The following SORBS2 variants were observed in gnomAD, a reference collection of about 807,000 sequenced individuals.
SORBS2 encodes sorbin and SH3 domain-containing protein 2.
Under a neutral mutation model 97.7 loss-of-function variants are expected in SORBS2, and 46 were observed. The observed-to-expected ratio is 0.47, with a 90% CI of 0.37 to 0.60. The LOEUF (loss-of-function observed/expected upper bound fraction) is 0.60, where lower values mean the gene tolerates loss of function less well. Ranked by LOEUF, SORBS2 falls within the 20% of genes least tolerant of loss-of-function variation. The probability of loss-of-function intolerance (pLI) is 0.00; values close to 1 mark genes in which losing one functional copy is unlikely to be tolerated. For synonymous variants in SORBS2, 476 were observed against 473.4 expected (o/e 1.01, Z -0.07); for missense variants, 1,316 against 1,282.3 (o/e 1.03, Z -0.40).
rs575094488 is a variant in SORBS2, at chr4:185,757,954, T to G, written c.-198+17273A>C. ...ACAATCTGGTGAGCCACTGATGGAA[T>G]TGAGTGTAAGAAATGGAAACTGCTA... is the stretch of plus-strand genomic sequence containing the variant. On this transcript the variant is annotated intron_variant, in intron 2 of 20. Transcript: ENST00000284776. 2.0e-5 allele frequency among the ~76,000 whole-genome samples: 3 copies of G among 152,316 alleles called. No individual in the cohort carries two copies. In the East Asian group the frequency reaches 5.8e-4, roughly 29 times the overall value.
chr4:185,925,530 G>A (rs2099263176), intron 1 of SORBS2, among the ~76,000 whole-genome samples: 1 of 152,092 alleles, frequency 6.6e-6, no homozygotes, highest in African/African-American at 2.4e-5. Flanking sequence ...CATTCTTAGT[G>A]TCATAGTCGC....
intron 2 of SORBS2, among the ~76,000 whole-genome samples, chr4:185,682,565 A>G (rs2097887013): frequency 1.3e-5 from 2 of 152,222 alleles, no homozygotes; most frequent in Admixed American, 6.5e-5. Context: ...AGGCTGTTGT[A>G]TTTTAACAAT....
chr4:185,623,727 G>A lies in SORBS2; in HGVS notation c.1402C>T (p.Pro468Ser), dbSNP rs767319986. Residue 468 changes from proline (P) to serine (S), a missense_variant, in exon 7 of 15, where the codon CCC becomes TCC. Coordinates refer to ENST00000418609, the Ensembl canonical transcript of SORBS2. The surrounding 1 kb of genome is among the most constrained non-coding windows in gnomAD (Gnocchi z 6.4). ...TGGCAGCCTCGCCGGCCCCGAGCGG[G>A]GGGGCCGCTTTGATTTTCTTCCTCC... is the stretch of plus-strand genomic sequence containing the variant. The A allele has an allele frequency of 1.4e-5, 22 of 1,613,912 alleles. No homozygotes were observed. Among genetic ancestry groups the A allele is most frequent in the Non-Finnish European group, 1.8e-5 (21 of 1,180,038 alleles).
At chr4:185,780,278 G>A (rs2099021861) in intron 1 of SORBS2, among the ~76,000 whole-genome samples, 1 of 152,086 alleles carries the variant, frequency 6.6e-6, no homozygotes, top group Admixed American at 6.5e-5. Flanking sequence ...GCCTCCCAAA[G>A]TGCTGGGATT....
rs747662216 is a variant in SORBS2, at chr4:185,873,261, A to G, written c.-338+82935T>C. Reference sequence around the variant, plus strand: ...TTCTGACACACCGTTTGCATCTCAGAAGTGTATATAGGTCTTTTACCTTAT... The same window carrying G: ...TTCTGACACACCGTTTGCATCTCAGGAGTGTATATAGGTCTTTTACCTTAT... On this transcript the variant is annotated intron_variant, in intron 1 of 20. Transcript: ENST00000284776. Among the ~76,000 whole-genome samples the G allele has an allele frequency of 5.7e-4, 86 of 152,104 alleles. 1 individual carries two copies. The highest frequency in any genetic ancestry group is 2.6e-4 in the Admixed American group (4 of 15,272).
chr4:185,734,370 G>C (rs1176556273), intron 2 of SORBS2, among the ~76,000 whole-genome samples: 1 of 152,174 alleles, frequency 6.6e-6, no homozygotes, highest in Non-Finnish European at 1.5e-5. Flanking sequence ...ACTACAATTA[G>C]TCACCATTAG....
chr4:185,753,819 A>T (rs145122254), intron 2 of SORBS2, among the ~76,000 whole-genome samples: 96 of 152,318 alleles, frequency 6.3e-4, no homozygotes, highest in African/African-American at 2.1e-3. Context: ...TCTTTTTAAA[A>T]ATTTACCCCT....
chr4:185,770,629 T>C (rs141134132), intron 2 of SORBS2, among the ~76,000 whole-genome samples: 15 of 152,272 alleles, frequency 9.9e-5, no homozygotes, highest in African/African-American at 2.6e-4. Context: ...TTTGCTCTAC[T>C]GCAAAGGGGA....
chr4:185,941,954 A>G (rs189146452), intron 1 of SORBS2, among the ~76,000 whole-genome samples: 25 of 152,176 alleles, frequency 1.6e-4, no homozygotes, highest in Admixed American at 1.6e-3. Context: ...CATCTCTACT[A>G]AAAATACAAA....
At chr4:185,728,893 C>T (rs546161700) in intron 2 of SORBS2, among the ~76,000 whole-genome samples, 2 of 152,236 alleles carry the variant, frequency 1.3e-5, no homozygotes, top group Admixed American at 6.5e-5. Context: ...AGCCCTGGAA[C>T]TGTGCTGGGT....
chr4:185,906,367 A>G (rs1466557734), intron 1 of SORBS2, among the ~76,000 whole-genome samples: 5 of 152,122 alleles, frequency 3.3e-5, no homozygotes, highest in Non-Finnish European at 5.9e-5. Flanking sequence ...TGCTTTATGC[A>G]TCTCCAGATT....
At chr4:185,651,431 A>G (rs2097312466) in intron 2 of SORBS2, among the ~76,000 whole-genome samples, 2 of 152,220 alleles carry the variant, frequency 1.3e-5, no homozygotes, top group Non-Finnish European at 2.9e-5. Context: ...TATCTGAAAG[A>G]TCTTACACAA....
chr4:185,744,748 A>G (rs1362607548), intron 2 of SORBS2, among the ~76,000 whole-genome samples: 2 of 152,230 alleles, frequency 1.3e-5, no homozygotes, highest in African/African-American at 2.4e-5. Context: ...TTATGTCATG[A>G]CATAAGAAGC....
At chr4:185,880,218 C>T (rs79333909) in intron 1 of SORBS2, among the ~76,000 whole-genome samples, 5,061 of 152,190 alleles carry the variant, frequency 0.033, 157 homozygotes, top group East Asian at 0.13. Context: ...CAGGAAGAGA[C>T]GGCCTTTATA....
At chr4:185,850,090 G>A (rs1238096408) in intron 1 of SORBS2, among the ~76,000 whole-genome samples, 1 of 152,190 alleles carries the variant, frequency 6.6e-6, no homozygotes, top group Admixed American at 6.5e-5. Context: ...ATGAAACGAA[G>A]CTCTTTCATG....
chr4:185,611,146 A>G (rs1444718425), intron 12 of SORBS2, among the ~76,000 whole-genome samples: 4 of 152,150 alleles, frequency 2.6e-5, no homozygotes, highest in Non-Finnish European at 5.9e-5. Flanking sequence ...TTGAGGACTT[A>G]TAATAACCGA....
chr4:185,756,914 T>G, intron 2 of SORBS2: 1 of 1,255,982 alleles, frequency 8.0e-7, no homozygotes, highest in Non-Finnish European at 1.2e-6. Context: ...GAATGGTCCA[T>G]ATTGAGTATT....
chr4:185,652,429 G>A (rs1450862782), intron 2 of SORBS2, among the ~76,000 whole-genome samples: 1 of 152,206 alleles, frequency 6.6e-6, no homozygotes, highest in Non-Finnish European at 1.5e-5. Flanking sequence ...TGAGGCCAGA[G>A]TGCCTGGTTG....
intron 4 of SORBS2, chr4:185,677,159 G>A (rs1196269872): frequency 6.4e-7 from 1 of 1,551,714 alleles, no homozygotes; most frequent in Non-Finnish European, 8.7e-7. Flanking sequence ...GAGATGCTGT[G>A]TGTGTCTCAG....
Sources: allele counts gnomAD v4.1 joint callset (sites outside exome capture counted in the v4.1 genomes callset), GRCh38; gene constraint gnomAD v4.1.1; non-coding constraint Gnocchi (gnomAD v3.1); transcripts MANE v1.5; gene names NCBI Gene and HGNC (gene_info 2026-07-23, HGNC 2026-07-21).